NAPA: variants seen among roughly 807,000 people sequenced by gnomAD.
NAPA encodes NSF attachment protein alpha, also known as alpha-soluble NSF attachment protein.
NAPA carries 18 observed loss-of-function variants against 48.0 expected under a neutral mutation model. That is an observed-to-expected ratio of 0.38 (90% CI 0.26 to 0.56). NAPA has a LOEUF of 0.56. NAPA is among the 20% of genes least tolerant of loss of function. NAPA has a pLI of 0.77. For missense variants in NAPA, 315 were observed against 385.0 expected, an observed-to-expected ratio of 0.82 and a Z score of 1.52; for synonymous variants, 152 against 149.9, an observed-to-expected ratio of 1.01 and a Z score of -0.10.
chr19:47,501,643 C>T (rs1200305550), intron 2 of NAPA: 1 of 152,262 alleles, frequency 6.6e-6, no homozygotes, highest in Non-Finnish European at 1.5e-5. Context: ...GAAGCCTCAT[C>T]CATCCTGTGC....
rs79523248 is a variant in NAPA, at chr19:47,489,547, G to A, written c.786+164C>T. Reference sequence around the variant, plus strand: ...GGGGAGAACACTCCCTGCGCCTCTTGGCGCTACTTGTAAGGTTTCTGGGGT... The same window carrying A: ...GGGGAGAACACTCCCTGCGCCTCTTAGCGCTACTTGTAAGGTTTCTGGGGT... On this transcript the variant is annotated intron_variant, in intron 10 of 10. Coordinates refer to ENST00000263354, the MANE Select transcript of NAPA (RefSeq NM_003827.4). 1,290 of 760,286 alleles carry A rather than the reference G, an allele frequency of 1.7e-3. 16 individuals carry two copies. In the East Asian group the frequency reaches 0.021, roughly 12 times the overall value. The allele number at this position is 760,286 out of a possible 1,614,324, so 47.1% of individuals were successfully genotyped here.
At position 47,494,735 on chromosome 19, in the gene NAPA, CAAAAAAAAAA is replaced by C. The variant is rs11462456; in HGVS notation, c.342+805_342+814del. Among the ~76,000 whole-genome samples the C allele has an allele frequency of 5.1e-4, 34 of 67,214 alleles. No homozygotes were observed. The East Asian group carries it at 0.014, about 28-fold the overall frequency. 44.1% of individuals were successfully genotyped at this position (67,214 alleles called of 152,430 possible). On this transcript the variant is annotated intron_variant, in intron 4 of 10. Coordinates refer to ENST00000263354, the MANE Select transcript of NAPA (RefSeq NM_003827.4). ...CCTAGATGAGAGAGAAACTCTGTCT[CAAAAAAAAAA>C]AAAAAAAAAAAAAGAGAGAGAGAGA...
chr19:47,487,426 G>A (rs539506979), downstream of NAPA, among the ~76,000 whole-genome samples: 3 of 152,236 alleles, frequency 2.0e-5, no homozygotes, highest in East Asian at 1.9e-4. Flanking sequence ...CAAGATGGGC[G>A]CTCTGGGACT....
chr19:47,492,961 C>G lies in NAPA; in HGVS notation c.561G>C (p.Gln187His), dbSNP rs755052191. The change falls in exon 7 of 11, where the codon CAG becomes CAC. Residue 187 changes from glutamine to histidine, a missense_variant and splice_region_variant. By Grantham distance (24) the Gln-to-His change is conservative. Around this residue, in one of 3 missense-constraint regions of NAPA, gnomAD observed 137 missense variants for 150.1 expected, o/e 0.91. Transcript: ENST00000263354. ...AGCCGCCATCCCCACCTGTCCCCAC[C>G]TGTTCGTAGATGTCAATGGCCTTCT... ...QYQKAIDIYE[Q>H]VGTNAMDSPL... 2 of 1,614,102 alleles carry G rather than the reference C, an allele frequency of 1.2e-6. No individual in the cohort carries two copies. The highest frequency in any genetic ancestry group is 1.7e-5 in the Admixed American group (1 of 60,026).
chr19:47,505,971 T>C (rs1433874741), intron 1 of NAPA, among the ~76,000 whole-genome samples: 1 of 151,238 alleles, frequency 6.6e-6, no homozygotes, highest in Non-Finnish European at 1.5e-5. Context: ...CCAACACACC[T>C]TGGGCCTTGT....
At position 47,494,408 on chromosome 19, in the gene NAPA, G is replaced by A. The variant is rs145118710; in HGVS notation, c.343-915C>T. Among the ~76,000 whole-genome samples, 793 of 152,222 alleles carry A rather than the reference G, an allele frequency of 5.2e-3. 16 individuals are homozygous for A. Among genetic ancestry groups the A allele is most frequent in the African/African-American group, 0.018 (734 of 41,538 alleles). ...GGTAGGGCTCGTGTCCCTGCCTGGG[G>A]TTGGAGGGCTGAGACAGACAGGGCA... On this transcript the variant is annotated intron_variant, in intron 4 of 10. Transcript: ENST00000263354.
intron 3 of NAPA, among the ~76,000 whole-genome samples, chr19:47,498,564 A>G (rs1335761611): frequency 1.3e-5 from 2 of 152,178 alleles, no homozygotes; most frequent in Non-Finnish European, 2.9e-5. Flanking sequence ...TGAGCCACAC[A>G]CAGTTGCTAC....
chr19:47,492,396 G>T (rs1968295042), intron 7 of NAPA: 2 of 472,012 alleles, frequency 4.2e-6, no homozygotes, highest in Non-Finnish European at 7.8e-6. Context: ...ACAGTGGGAA[G>T]GAGGCAGCCT....
intron 1 of NAPA, among the ~76,000 whole-genome samples, chr19:47,509,588 C>T (rs373327217): frequency 2.0e-5 from 3 of 152,142 alleles, no homozygotes; most frequent in South Asian, 2.1e-4. Context: ...CATCAGGCCC[C>T]GCAGAGGACC....
At chr19:47,513,618 T>C (rs1968845875) in intron 1 of NAPA, among the ~76,000 whole-genome samples, 1 of 152,110 alleles carries the variant, frequency 6.6e-6, no homozygotes, top group African/African-American at 2.4e-5. Context: ...TATGTGTTAG[T>C]TCTGTCTCCC....
At chr19:47,505,914 C>A (rs1223150856) in intron 1 of NAPA, among the ~76,000 whole-genome samples, 1 of 152,070 alleles carries the variant, frequency 6.6e-6, no homozygotes, top group Non-Finnish European at 1.5e-5. Flanking sequence ...TTCCCGCACT[C>A]GCCCTGCTGC....
chr19:47,490,680 A>G, intron 9 of NAPA, 108 bp downstream of exon 9: 2 of 284,920 alleles, frequency 7.0e-6, no homozygotes, highest in Non-Finnish European at 1.2e-5. Flanking sequence ...CAAAACAAAG[A>G]CACCCTCTGA....
intron 2 of NAPA, 32 bp from the exon 3 acceptor site, chr19:47,500,781 C>T (rs1024633854): frequency 3.3e-6 from 5 of 1,516,314 alleles, no homozygotes; most frequent in Non-Finnish European, 4.5e-6. Context: ...GTCCTGGCCT[C>T]AGTGGGGCTC....
downstream of NAPA, among the ~76,000 whole-genome samples, chr19:47,486,932 C>A (rs2122713205): frequency 6.6e-6 from 1 of 152,336 alleles, no homozygotes; most frequent in South Asian, 2.1e-4. Context: ...GCAATTACTG[C>A]CCCTGCTCAC....
chr19:47,504,194 G>A (rs1968645538), intron 1 of NAPA, among the ~76,000 whole-genome samples: 1 of 151,932 alleles, frequency 6.6e-6, no homozygotes, highest in African/African-American at 2.4e-5. Flanking sequence ...AAGAGTTCGA[G>A]ACCAGCCTGG....
In NAPA at chr19:47,509,349, T is replaced by A. The variant is rs868128158; in HGVS notation, c.98+5494A>T. ...TAAAATAAAATAAAATAAAATAAAA[T>A]AAATAAAATAAAATAAAATAAAATA... On this transcript the variant is annotated intron_variant, in intron 1 of 10. Transcript: ENST00000263354. 6.3e-3 allele frequency among the ~76,000 whole-genome samples: 582 copies of A among 91,956 alleles called. 5 individuals are homozygous for A. The highest frequency in any genetic ancestry group is 0.019 in the African/African-American group (433 of 22,636). 60.3% of individuals were successfully genotyped at this position (91,956 alleles called of 152,430 possible). A position where few individuals can be genotyped will look rare whatever the true frequency, so the allele number is the denominator to read the frequency against.
At chr19:47,499,391 T>C (rs927493430) in intron 3 of NAPA, among the ~76,000 whole-genome samples, 3 of 152,210 alleles carry the variant, frequency 2.0e-5, no homozygotes, top group African/African-American at 7.2e-5. Context: ...AAGGAAAGGC[T>C]TGGCGGGGCA....
At chr19:47,505,157 T>A (rs917254681) in intron 1 of NAPA, among the ~76,000 whole-genome samples, 1 of 152,162 alleles carries the variant, frequency 6.6e-6, no homozygotes, top group Non-Finnish European at 1.5e-5. Flanking sequence ...ACATAATCAG[T>A]AGAATAAAAT....
In NAPA at chr19:47,493,515, G is replaced by C. The variant is rs1279886990; in HGVS notation, c.343-22C>G. The C allele has an allele frequency of 6.2e-7, 1 of 1,610,310 alleles. No individual in the cohort carries two copies. On this transcript the variant is annotated intron_variant, in intron 4 of 10. Transcript: ENST00000263354. The surrounding 1 kb of genome is among the most constrained non-coding windows in gnomAD (Gnocchi z 6.4). ...GGCCCTGGAGGGGACACAGGAAGGGGCTGCCTGCGACTCATGACCTCCTGC... is the reference window on the plus strand; with the variant it reads ...GGCCCTGGAGGGGACACAGGAAGGGCCTGCCTGCGACTCATGACCTCCTGC...
Sources: allele counts gnomAD v4.1 joint callset (sites outside exome capture counted in the v4.1 genomes callset), GRCh38; gene constraint gnomAD v4.1.1; regional missense constraint gnomAD v4.1.1; non-coding constraint Gnocchi (gnomAD v3.1); transcripts MANE v1.5; gene names NCBI Gene and HGNC (gene_info 2026-07-23, HGNC 2026-07-21).